The following STN1 variants were observed in gnomAD, a reference collection of about 807,000 sequenced individuals.
STN1 encodes STN1 subunit of CST complex.
STN1 carries 29 observed loss-of-function variants against 45.5 expected under a neutral mutation model. The observed-to-expected ratio is 0.64, with a 90% CI of 0.47 to 0.87. The LOEUF is 0.87. STN1 is among the 40% of genes least tolerant of loss of function. The probability of loss-of-function intolerance (pLI) is 0.00; values close to 1 mark genes in which losing one functional copy is unlikely to be tolerated. For synonymous variants in STN1, 148 were observed against 159.0 expected (o/e 0.93, Z 0.52); for missense variants, 376 against 441.4 (o/e 0.85, Z 1.33).
intron 2 of STN1, among the ~76,000 whole-genome samples, chr10:103,911,421 G>T (rs1359629365): frequency 1.3e-5 from 2 of 152,158 alleles, no homozygotes; most frequent in Non-Finnish European, 2.9e-5. Context: ...CACGCACTGT[G>T]TTCCTGTCAC....
At chr10:103,884,257 C>T (rs545422948) in intron 9 of STN1, among the ~76,000 whole-genome samples, 3 of 152,050 alleles carry the variant, frequency 2.0e-5, no homozygotes, top group African/African-American at 7.2e-5. Flanking sequence ...TTTAGGTCGT[C>T]GGCAGTAGTC....
At chr10:103,909,594 T>C (rs1222703553) in intron 3 of STN1, among the ~76,000 whole-genome samples, 1 of 149,962 alleles carries the variant, frequency 6.7e-6, no homozygotes, top group Non-Finnish European at 1.5e-5. Flanking sequence ...ATTTTTCACA[T>C]GTTATTTTAT....
chr10:103,898,877 C>G lies in STN1; in HGVS notation c.581G>C (p.Ser194Thr). ...SSALEKEEALSNPGALDLPSL... is the reference protein window; with the variant it reads ...SSALEKEEALTNPGALDLPSL... The stretch of plus-strand genomic sequence containing the variant: ...TCAGCAGTGATAAGTCACCACTTAC[C>G]TTAGTGCCTCTTCTTTCTCTAGGGC... Residue 194 changes from serine to threonine, a missense_variant and splice_region_variant, in exon 6 of 10, where the codon AGC (serine) becomes ACC (threonine). Coordinates refer to ENST00000224950, the MANE Select transcript of STN1 (RefSeq NM_024928.5). 6.2e-7 allele frequency: 1 copy of G among 1,613,720 alleles called. No individual in the cohort carries two copies. Among genetic ancestry groups the G allele is most frequent in the Non-Finnish European group, 8.5e-7 (1 of 1,179,914 alleles).
intron 7 of STN1, 25 bp downstream of exon 7, chr10:103,897,523 T>C (rs1843178418): frequency 2.5e-6 from 4 of 1,609,892 alleles, no homozygotes; most frequent in Admixed American, 3.3e-5. Flanking sequence ...GAACCAGAAT[T>C]CTCACATGGG....
chr10:103,905,418 C>T (rs938883247), intron 3 of STN1, among the ~76,000 whole-genome samples: 2 of 152,194 alleles, frequency 1.3e-5, no homozygotes, highest in East Asian at 1.9e-4. Flanking sequence ...AAGGTACTAA[C>T]GATTAGTACC....
intron 5 of STN1, 113 bp from the exon 6 acceptor site, chr10:103,899,113 C>T (rs1384257387): frequency 2.6e-6 from 3 of 1,169,366 alleles, no homozygotes; most frequent in African/African-American, 3.1e-5. Context: ...GCTGGGTGGG[C>T]CTCCTTCCTT....
In STN1 at chr10:103,892,144, C is replaced by G. The variant is rs1449271366; in HGVS notation, c.862G>C (p.Asp288His). ...AAGTGTCTTACATAGTATAGGTTAT[C>G]AAAACCATCATCTTTCTGGAAAACA... ...GLVFQKDDGFDNLYYVTREDK... is the reference protein window; with the variant it reads ...GLVFQKDDGFHNLYYVTREDK... The change falls in exon 8 of 10, where the codon GAT becomes CAT. Residue 288 changes from aspartate (D) to histidine (H), a missense_variant. Asp to His is a moderately conservative substitution (Grantham distance 81). Coordinates refer to ENST00000224950, the MANE Select transcript of STN1 (RefSeq NM_024928.5). The G allele has an allele frequency of 6.2e-7, 1 of 1,609,686 alleles. No individual in the cohort carries two copies. The highest frequency in any genetic ancestry group is 8.5e-7 in the Non-Finnish European group (1 of 1,178,880).
intron 9 of STN1, among the ~76,000 whole-genome samples, chr10:103,886,036 CA>C: frequency 6.6e-6 from 1 of 152,114 alleles, no homozygotes; most frequent in Non-Finnish European, 1.5e-5. Flanking sequence ...ACTATAACTA[CA>C]AAAGGTTAAA....
chr10:103,888,429 C>T (rs1276997690), intron 9 of STN1, among the ~76,000 whole-genome samples: 1 of 152,238 alleles, frequency 6.6e-6, no homozygotes, highest in Non-Finnish European at 1.5e-5. Flanking sequence ...CCTTCTCTAA[C>T]TAGTGTGGAA....
intron 7 of STN1, among the ~76,000 whole-genome samples, chr10:103,894,740 A>G (rs1843160825): frequency 6.6e-6 from 1 of 151,956 alleles, no homozygotes; most frequent in East Asian, 1.9e-4. Context: ...CACTAGCTAA[A>G]CGTGCTGAGC....
chr10:103,917,353 G>A, intron 2 of STN1, 109 bp downstream of exon 2: 1 of 998,840 alleles, frequency 1.0e-6, no homozygotes, highest in Non-Finnish European at 1.4e-6. Context: ...CCCTTTCAAA[G>A]CCTGCAGCAG....
At chr10:103,891,414 T>C (rs1329929715) in intron 8 of STN1, among the ~76,000 whole-genome samples, 4 of 152,188 alleles carry the variant, frequency 2.6e-5, no homozygotes, top group Non-Finnish European at 4.4e-5. Flanking sequence ...GTCTCAATGG[T>C]CCCAGGAGAT....
At chr10:103,907,221 T>G (rs1308050638) in intron 3 of STN1, among the ~76,000 whole-genome samples, 1 of 152,246 alleles carries the variant, frequency 6.6e-6, no homozygotes, top group Non-Finnish European at 1.5e-5. Flanking sequence ...TATGTAAGGC[T>G]GTTCACTGTA....
At chr10:103,914,368 A>AT (rs1564636176) in intron 2 of STN1, among the ~76,000 whole-genome samples, 1 of 15,428 alleles carries the variant, frequency 6.5e-5, no homozygotes, top group African/African-American at 1.2e-4. Context: ...ATATATATAT[A>AT]TATATATTTT....
At chr10:103,902,330 G>C (rs1016862019) in intron 4 of STN1, among the ~76,000 whole-genome samples, 2 of 152,078 alleles carry the variant, frequency 1.3e-5, no homozygotes, top group African/African-American at 2.4e-5. Flanking sequence ...AATTTTAAAG[G>C]TATTTATAAA....
intron 9 of STN1, among the ~76,000 whole-genome samples, chr10:103,886,727 A>C (rs2134356971): frequency 6.6e-6 from 1 of 152,324 alleles, no homozygotes; most frequent in Non-Finnish European, 1.5e-5. Context: ...ATAATTATGC[A>C]CTGAGTACTC....
chr10:103,906,476 G>C (rs78706063), intron 3 of STN1, among the ~76,000 whole-genome samples: 7 of 151,994 alleles, frequency 4.6e-5, no homozygotes, highest in African/African-American at 1.7e-4. Context: ...GGGCAACACA[G>C]GGAGACCCCG....
At chr10:103,914,335 C>CATAT (rs1239270984) in intron 2 of STN1, among the ~76,000 whole-genome samples, 8 of 35,556 alleles carry the variant, frequency 2.2e-4, no homozygotes, top group African/African-American at 5.8e-4. Context: ...ATTAAAAATA[C>CATAT]ATATATATAT....
rs1182985743 is a variant in STN1, at chr10:103,887,011, G to A, written c.949+2061C>T. The stretch of plus-strand genomic sequence containing the variant: ...TTCATAGTCCTTTCATTATTGAAGG[G>A]TTAGCCTTTGTGAGACACTCATAAA... On this transcript the variant is annotated intron_variant, in intron 9 of 9. Transcript: ENST00000224950. Among the ~76,000 whole-genome samples, 3 of 152,296 alleles carry A rather than the reference G, an allele frequency of 2.0e-5. No homozygotes were observed. In the East Asian group the frequency reaches 5.8e-4, roughly 29 times the overall value.
Sources: allele counts gnomAD v4.1 joint callset (sites outside exome capture counted in the v4.1 genomes callset), GRCh38; gene constraint gnomAD v4.1.1; transcripts MANE v1.5; gene names NCBI Gene and HGNC (gene_info 2026-07-23, HGNC 2026-07-21).